Variants in ABR observed in about 807,000 individuals in gnomAD.
ABR encodes active breakpoint cluster region-related protein.
ABR carries 35 observed loss-of-function variants against 107.2 expected under a neutral mutation model. The observed-to-expected ratio is 0.33, with a 90% CI of 0.25 to 0.43. The LOEUF (loss-of-function observed/expected upper bound fraction) is 0.43, where lower values mean the gene tolerates loss of function less well. ABR is among the 20% of genes least tolerant of loss of function. The pLI is 1.00. For missense variants in ABR, 815 were observed against 1,115.2 expected (o/e 0.73, Z 3.83); for synonymous variants, 498 against 462.0 (o/e 1.08, Z -1.00).
At chr17:1,062,597 A>G (rs2034138415) in intron 10 of ABR, among the ~76,000 whole-genome samples, 1 of 139,058 alleles carries the variant, frequency 7.2e-6, no homozygotes, top group South Asian at 2.3e-4. Flanking sequence ...ACTGAGGGTT[A>G]TGCATGTTCC....
rs985833110 is a variant in ABR at position 1,071,032 on chromosome 17, G to A, written c.895-942C>T. Among the ~76,000 whole-genome samples the A allele has an allele frequency of 3.3e-5, 5 of 152,208 alleles. No individual in the cohort carries two copies. The highest frequency in any genetic ancestry group is 2.1e-4 in the South Asian group (1 of 4,824). Reference sequence around the variant, plus strand: ...ACAAAAACTAGCCAGACATGGTGACGCCTGCCTGTAATCTCAGCTACTTGG... The same window carrying A: ...ACAAAAACTAGCCAGACATGGTGACACCTGCCTGTAATCTCAGCTACTTGG... On this transcript the variant is annotated intron_variant, in intron 8 of 22. Transcript: ENST00000302538. The surrounding 1 kb of genome is among the most constrained non-coding windows in gnomAD (Gnocchi z 5.1).
chr17:1,138,068 ATT>A (rs773606371), intron 1 of ABR, among the ~76,000 whole-genome samples: 2 of 140,928 alleles, frequency 1.4e-5, no homozygotes, highest in African/African-American at 2.6e-5. Flanking sequence ...CACCCGGCTA[ATT>A]TTTTTTTTTT....
intron 1 of ABR, among the ~76,000 whole-genome samples, chr17:1,223,335 G>A (rs1039560187): frequency 5.4e-5 from 4 of 74,750 alleles, no homozygotes; most frequent in Admixed American, 1.1e-4. Context: ...ACAGAGACAC[G>A]AATACCCTCC....
rs1275598054 is a variant in ABR, at chr17:1,109,155, G to A, written c.247-8420C>T. ...GGGAGGAGGGAGGAGGCGGGCGGGA[G>A]GGGGGGCAGGTCTACACCCGCGCGC... is the stretch of plus-strand genomic sequence containing the variant. On this transcript the variant is annotated intron_variant, in intron 2 of 22. Transcript: ENST00000302538. 17 of 1,430,002 alleles carry A rather than the reference G, an allele frequency of 1.2e-5. No individual in the cohort carries two copies. The East Asian group carries it at 2.0e-4, about 17-fold the overall frequency. The allele number at this position is 1,430,002 out of a possible 1,614,324, so 88.6% of individuals were successfully genotyped here. A position where few individuals can be genotyped will look rare whatever the true frequency, so the allele number is the denominator to read the frequency against.
Position 1,010,684 on chromosome 17 carries a change from G to A in ABR, c.2236+45C>T. On this transcript the variant is annotated intron_variant, in intron 20 of 22. Transcript: ENST00000302538. This position sits in a 1 kb window ranked among gnomAD's most constrained non-coding sequence, Gnocchi z 4.1. ...TTACTTCTCCGGGCAGGGAGTCCTG[G>A]CTCAGTCTGGCCCAGCCCAGTCCTA... is the stretch of plus-strand genomic sequence containing the variant. 6.3e-7 allele frequency: 1 copy of A among 1,599,172 alleles called. No homozygotes were observed. Among genetic ancestry groups the A allele is most frequent in the Non-Finnish European group, 8.5e-7 (1 of 1,171,876 alleles).
chr17:1,079,960 C>T (rs1278982271), intron 5 of ABR, among the ~76,000 whole-genome samples: 1 of 151,998 alleles, frequency 6.6e-6, no homozygotes, highest in Non-Finnish European at 1.5e-5. Context: ...CTCCAGGTCC[C>T]AGAGATGAGA....
At chr17:1,203,290 G>A (rs867846535) in intron 1 of ABR, among the ~76,000 whole-genome samples, 80 of 151,194 alleles carry the variant, frequency 5.3e-4, no homozygotes, top group African/African-American at 1.8e-3. Context: ...GCAGTCCTCA[G>A]GGGGCGTGGC....
chr17:1,216,243 T>C (rs923570557), intron 1 of ABR, among the ~76,000 whole-genome samples: 1 of 152,048 alleles, frequency 6.6e-6, no homozygotes, highest in African/African-American at 2.4e-5. Flanking sequence ...TCAGCCCTTA[T>C]ATCAACTTGC....
chr17:1,090,888 G>A (rs1391219748), intron 4 of ABR, among the ~76,000 whole-genome samples: 1 of 152,188 alleles, frequency 6.6e-6, no homozygotes, highest in South Asian at 2.1e-4. Flanking sequence ...TAGCAGAGGT[G>A]GGGAGGGAGC....
intron 1 of ABR, among the ~76,000 whole-genome samples, chr17:1,130,939 G>A (rs2039795252): frequency 6.6e-6 from 1 of 152,232 alleles, no homozygotes; most frequent in East Asian, 1.9e-4. Flanking sequence ...CTGGTCTTCA[G>A]ACTGCGAGAG....
intron 1 of ABR, among the ~76,000 whole-genome samples, chr17:1,224,065 C>T (rs28685027): frequency 0.13 from 19,355 of 152,106 alleles, 1,360 homozygotes; most frequent in Middle Eastern, 0.2. Flanking sequence ...TTAGGGTTAG[C>T]GACGTTTATT....
intron 16 of ABR, among the ~76,000 whole-genome samples, chr17:1,024,049 A>AAAAAG (rs2071963289): frequency 7.1e-6 from 1 of 140,534 alleles, no homozygotes; most frequent in African/African-American, 2.7e-5. Flanking sequence ...AAAAAAAAAA[A>AAAAAG]GCAGCATCAA....
rs1320716876 is a variant in ABR at position 1,070,392 on chromosome 17, A to T, written c.895-302T>A. Among the ~76,000 whole-genome samples the T allele has an allele frequency of 1.3e-5, 2 of 152,190 alleles. No homozygotes were observed. The highest frequency in any genetic ancestry group is 2.4e-5 in the African/African-American group (1 of 41,452). On this transcript the variant is annotated intron_variant, in intron 8 of 22. Transcript: ENST00000302538. The surrounding 1 kb of genome is among the most constrained non-coding windows in gnomAD (Gnocchi z 4.2). ...ATAAGGTGACTCATCGAGATGGTGC[A>T]TGTGAAACAGCACAGTGCCTGGCAC...
chr17:1,029,044 G>A (rs770304938), intron 16 of ABR, among the ~76,000 whole-genome samples: 1 of 151,864 alleles, frequency 6.6e-6, no homozygotes, highest in Non-Finnish European at 1.5e-5. Flanking sequence ...TCTAGAAGAG[G>A]GAAGGATGGG....
rs747559463 is a variant in ABR, at chr17:1,070,081, G to A, written c.904C>T (p.Leu302=). The change falls in exon 9 of 23, where the codon CTG becomes TTG. Residue 302 remains leucine, a synonymous_variant. Coordinates refer to ENST00000302538, the MANE Select transcript of ABR (RefSeq NM_021962.5). This position sits in a 1 kb window ranked among gnomAD's most constrained non-coding sequence, Gnocchi z 4.2. ...TCCACCAGGAAGCCGTCCTTCACCAGCTGTCGCGTCTGAGGGAGATGGCAG... is the reference window on the plus strand; with the variant it reads ...TCCACCAGGAAGCCGTCCTTCACCAACTGTCGCGTCTGAGGGAGATGGCAG... ...VTTPKGETRQ[L]VKDGFLVEVS... The A allele has an allele frequency of 1.9e-6, 3 of 1,613,636 alleles. No individual in the cohort carries two copies. The African/African-American group carries it at 4.0e-5, about 22-fold the overall frequency.
intron 16 of ABR, among the ~76,000 whole-genome samples, chr17:1,044,059 CT>C (rs1227623281): frequency 1.3e-5 from 2 of 152,220 alleles, no homozygotes; most frequent in African/African-American, 4.8e-5. Context: ...GGGCCGGACC[CT>C]GGGAATATGC....
intron 16 of ABR, among the ~76,000 whole-genome samples, chr17:1,044,938 A>G (rs2031329399): frequency 6.6e-6 from 1 of 152,278 alleles, no homozygotes; most frequent in African/African-American, 2.4e-5. Context: ...TACAAAGAAT[A>G]TAAAGTACTT....
intron 13 of ABR, 48 bp downstream of exon 13, chr17:1,056,950 T>C: frequency 7.2e-7 from 1 of 1,384,830 alleles, no homozygotes; most frequent in Non-Finnish European, 1.0e-6. Flanking sequence ...GGCCACGCTC[T>C]GAGGGCTGGG....
chr17:1,215,006 G>A (rs1332531292), intron 1 of ABR, among the ~76,000 whole-genome samples: 1 of 151,988 alleles, frequency 6.6e-6, no homozygotes, highest in Non-Finnish European at 1.5e-5. Context: ...GATTGCTTGA[G>A]TCCAGGTGTT....
Sources: allele counts gnomAD v4.1 joint callset (sites outside exome capture counted in the v4.1 genomes callset), GRCh38; gene constraint gnomAD v4.1.1; non-coding constraint Gnocchi (gnomAD v3.1); transcripts MANE v1.5; gene names NCBI Gene and HGNC (gene_info 2026-07-23, HGNC 2026-07-21).